TULP4: variants seen among roughly 807,000 people sequenced by gnomAD.
The protein encoded by TULP4 is tubby-related protein 4.
A neutral mutation model predicts 129.0 loss-of-function variants in TULP4; 16 were observed. The observed-to-expected ratio is 0.12, with a 90% CI of 0.08 to 0.19. The LOEUF (loss-of-function observed/expected upper bound fraction) is 0.19. Ranked by LOEUF, TULP4 falls within the 10% of genes least tolerant of loss-of-function variation. The pLI, the probability that TULP4 is intolerant of heterozygous loss-of-function variation, is 1.00. For missense variants in TULP4, 1,842 were observed against 2,059.1 expected (o/e 0.89, Z 2.04); for synonymous variants, 998 against 854.0 (o/e 1.17, Z -2.94).
intron 1 of TULP4, among the ~76,000 whole-genome samples, chr6:158,315,557 T>G (rs1779467991): frequency 6.6e-6 from 1 of 152,182 alleles, no homozygotes; most frequent in Non-Finnish European, 1.5e-5. Context: ...GCCAACAATA[T>G]CAAAATATAG....
intron 1 of TULP4, among the ~76,000 whole-genome samples, chr6:158,358,392 A>T (rs1780695364): frequency 6.6e-6 from 1 of 152,214 alleles, no homozygotes; most frequent in Non-Finnish European, 1.5e-5. Context: ...AAACAAACCC[A>T]TCAGTCCTTG....
chr6:158,331,735 ATATATATACGTGTATATACACGTG>A (rs1779890383), intron 1 of TULP4, among the ~76,000 whole-genome samples: 1 of 19,836 alleles, frequency 5.0e-5, no homozygotes, highest in Non-Finnish European at 1.7e-4. Context: ...ACACATACGT[ATATATATACGTGTATATACACGTG>A]TATATATACA....
chr6:158,443,993 G>A (rs1778960785), intron 3 of TULP4, among the ~76,000 whole-genome samples: 1 of 151,974 alleles, frequency 6.6e-6, no homozygotes, highest in Non-Finnish European at 1.5e-5. Context: ...GCCAGGGTGG[G>A]CGGATCACAA....
intron 5 of TULP4, among the ~76,000 whole-genome samples, chr6:158,457,785 A>G (rs913115069): frequency 1.3e-5 from 2 of 152,102 alleles, no homozygotes; most frequent in Non-Finnish European, 2.9e-5. Context: ...AAAAATGAGG[A>G]GGGAATTTTT....
chr6:158,418,087 T>TTG lies in TULP4; in HGVS notation c.381+4906_381+4907dup, dbSNP rs199802918. On this transcript the variant is annotated intron_variant, in intron 2 of 13. Transcript: ENST00000367097. ...TAAAAGAACTGGAGTTTCTGCCTTTTTGTGTGTGTGTGTTTTTTTTTTTTT... is the reference window on the plus strand; with the variant it reads ...TAAAAGAACTGGAGTTTCTGCCTTTTTGTGTGTGTGTGTGTTTTTTTTTTTTT... 5.4e-3 allele frequency among the ~76,000 whole-genome samples: 799 copies of TTG among 149,328 alleles called. 6 individuals are homozygous for TTG. The highest frequency in any genetic ancestry group is 0.015 in the African/African-American group (596 of 41,002).
chr6:158,444,264 TTTA>T lies in TULP4; in HGVS notation c.544-4731_544-4729del, dbSNP rs1471762470. 4.2e-3 allele frequency among the ~76,000 whole-genome samples: 557 copies of T among 133,120 alleles called. 16 individuals carry two copies. Among genetic ancestry groups the T allele is most frequent in the African/African-American group, 0.01 (374 of 36,760 alleles). The allele number at this position is 133,120 out of a possible 152,430, so 87.3% of individuals were successfully genotyped here. The stretch of plus-strand genomic sequence containing the variant: ...AAAAAAAATTTTTTTTTTTTTTTTT[TTTA>T]ACTTTTGCCGCATCTCAGAACAAAA... On this transcript the variant is annotated intron_variant, in intron 3 of 13. Transcript: ENST00000367097.
chr6:158,383,088 T>C (rs575590693), intron 1 of TULP4, among the ~76,000 whole-genome samples: 44 of 152,232 alleles, frequency 2.9e-4, no homozygotes, highest in Non-Finnish European at 6.0e-4. Flanking sequence ...TTGTTGAACC[T>C]GGCACCAGAA....
At chr6:158,349,218 C>CT (rs1780416421) in intron 1 of TULP4, among the ~76,000 whole-genome samples, 4 of 132,332 alleles carry the variant, frequency 3.0e-5, no homozygotes, top group Admixed American at 7.3e-5. Flanking sequence ...ACGGGGTGGC[C>CT]GGGCAGAGGC....
chr6:158,461,921 A>AGC (rs1779437723), intron 6 of TULP4, among the ~76,000 whole-genome samples, 192 bp downstream of exon 6: 1 of 152,180 alleles, frequency 6.6e-6, no homozygotes, highest in Non-Finnish European at 1.5e-5. Flanking sequence ...CAGTCAAATG[A>AGC]GCACATAGTG....
rs755968152 is a variant in TULP4 at position 158,452,246 on chromosome 6, G to A, written c.837G>A (p.Thr279=). The part of the protein sequence containing the change: ...LMNNYDDLSP[T]VIRSGLKEVV... ...ACAACTACGATGACTTGTCTCCCACGGTCATCCGCTCAGGGCTGAAAGGTA... is the reference window on the plus strand; with the variant it reads ...ACAACTACGATGACTTGTCTCCCACAGTCATCCGCTCAGGGCTGAAAGGTA... Residue 279 remains threonine (T), a synonymous_variant, in exon 5 of 14, where the codon ACG becomes ACA. Coordinates refer to ENST00000367097, the MANE Select transcript of TULP4 (RefSeq NM_020245.5). 1.4e-5 allele frequency: 23 copies of A among 1,614,028 alleles called. No homozygotes were observed. Among genetic ancestry groups the A allele is most frequent in the Middle Eastern group, 1.6e-4 (1 of 6,076 alleles).
intron 1 of TULP4, among the ~76,000 whole-genome samples, chr6:158,347,968 C>T (rs1322348803): frequency 2.0e-5 from 3 of 151,774 alleles, no homozygotes; most frequent in Non-Finnish European, 4.4e-5. Flanking sequence ...TGAAAACTCT[C>T]CAACCTGGGT....
intron 1 of TULP4, among the ~76,000 whole-genome samples, chr6:158,269,120 G>A (rs113856981): frequency 0.015 from 2,355 of 152,106 alleles, 66 homozygotes; most frequent in African/African-American, 0.054. Flanking sequence ...AGAAATTCTC[G>A]AGTCTGAGAA....
rs376686375 is a variant in TULP4, at chr6:158,379,956, G to A, written c.253-33109G>A. Among the ~76,000 whole-genome samples, 144 of 152,306 alleles carry A rather than the reference G, an allele frequency of 9.5e-4. 2 individuals are homozygous for A. Among genetic ancestry groups the A allele is most frequent in the African/African-American group, 3.2e-3 (134 of 41,566 alleles). On this transcript the variant is annotated intron_variant, in intron 1 of 13. Transcript: ENST00000367097. ...ATGAAGTCACCCAGTGGTTGCCCTA[G>A]TGGATGATTAGGGCTGGGATAGGCT...
chr6:158,237,902 CT>C, intron 1 of TULP4: 2 of 738,978 alleles, frequency 2.7e-6, no homozygotes, highest in Non-Finnish European at 5.1e-6. Context: ...GTATGAATAT[CT>C]TTTGGATTTT....
At chr6:158,452,546 G>A (rs1168575742) in intron 5 of TULP4, among the ~76,000 whole-genome samples, 1 of 152,224 alleles carries the variant, frequency 6.6e-6, no homozygotes, top group Non-Finnish European at 1.5e-5. Flanking sequence ...TCTCTCAGGT[G>A]TACAGGTATG....
intron 1 of TULP4, among the ~76,000 whole-genome samples, chr6:158,257,771 T>G (rs944111425): frequency 3.3e-5 from 5 of 152,198 alleles, no homozygotes; most frequent in South Asian, 4.1e-4. Flanking sequence ...AAACTTTACT[T>G]TGTCTCCCCC....
chr6:158,328,136 G>GTGTGTGTGTGTGTGTGT (rs1554280513), intron 1 of TULP4, among the ~76,000 whole-genome samples: 2 of 109,266 alleles, frequency 1.8e-5, no homozygotes, highest in East Asian at 5.4e-4. Context: ...GTGCGTGCGT[G>GTGTGTGTGTGTGTGTGT]CTGGGAAAGA....
At chr6:158,264,561 C>T (rs946871116) in intron 1 of TULP4, among the ~76,000 whole-genome samples, 7 of 152,094 alleles carry the variant, frequency 4.6e-5, no homozygotes, top group Non-Finnish European at 8.8e-5. Flanking sequence ...CCTGAATAAA[C>T]ATCGATCTGG....
chr6:158,312,346 G>A (rs754910492), upstream of TULP4: 31 of 386,314 alleles, frequency 8.0e-5, no homozygotes, highest in Non-Finnish European at 1.0e-4. Context: ...TGGTCTGCAC[G>A]GGTAAAGAAA....
Sources: allele counts gnomAD v4.1 joint callset (sites outside exome capture counted in the v4.1 genomes callset), GRCh38; gene constraint gnomAD v4.1.1; transcripts MANE v1.5; gene names NCBI Gene and HGNC (gene_info 2026-07-23, HGNC 2026-07-21).